Variants in UIMC1 observed in about 807,000 individuals in gnomAD.
The protein encoded by UIMC1 is BRCA1-A complex subunit RAP80.
Under a neutral mutation model 84.9 loss-of-function variants are expected in UIMC1, and 42 were observed. That is an observed-to-expected ratio of 0.49 (90% CI 0.39 to 0.64). The LOEUF (loss-of-function observed/expected upper bound fraction) is 0.64, where lower values mean the gene tolerates loss of function less well. Ranked by LOEUF, UIMC1 falls within the 30% of genes least tolerant of loss-of-function variation. The pLI, the probability that UIMC1 is intolerant of heterozygous loss-of-function variation, is 0.00. For missense variants in UIMC1, 825 were observed against 847.6 expected (o/e 0.97, Z 0.33); for synonymous variants, 281 against 293.0 (o/e 0.96, Z 0.42).
intron 1 of UIMC1, among the ~76,000 whole-genome samples, chr5:177,002,783 G>A (rs952099082): frequency 7.9e-5 from 12 of 151,998 alleles, no homozygotes; most frequent in African/African-American, 2.4e-4. Context: ...AGGACAGAAC[G>A]AGACTCTGTC....
chr5:176,953,044 A>G (rs79354565), intron 8 of UIMC1, among the ~76,000 whole-genome samples: 1,636 of 152,146 alleles, frequency 0.011, 25 homozygotes, highest in African/African-American at 0.038. Context: ...CCTCAAAAGA[A>G]TGGGATTAGT....
chr5:176,928,064 G>A (rs1023477340), intron 10 of UIMC1, among the ~76,000 whole-genome samples: 1 of 152,022 alleles, frequency 6.6e-6, no homozygotes, highest in Non-Finnish European at 1.5e-5. Context: ...GGCTGGTCTC[G>A]AACTCTTGAC....
intron 10 of UIMC1, among the ~76,000 whole-genome samples, chr5:176,923,759 G>A (rs1370264893): frequency 6.7e-6 from 1 of 149,730 alleles, no homozygotes; most frequent in African/African-American, 2.5e-5. Flanking sequence ...AGCTACTCAG[G>A]AGGCTGAGGC....
intron 7 of UIMC1, among the ~76,000 whole-genome samples, chr5:176,956,785 A>G (rs958918617): frequency 1.3e-5 from 2 of 151,726 alleles, no homozygotes; most frequent in African/African-American, 4.8e-5. Context: ...CCTCACATCA[A>G]CCAAGAACCA....
chr5:177,004,442 AT>A (rs933551383), intron 1 of UIMC1, among the ~76,000 whole-genome samples: 2 of 151,468 alleles, frequency 1.3e-5, no homozygotes, highest in Admixed American at 6.6e-5. Context: ...TTCAACTACT[AT>A]TTTTTTTTAA....
In UIMC1 at chr5:176,969,266, T is replaced by C; in HGVS notation, c.489A>G (p.Ser163=). Residue 163 remains serine (S), a synonymous_variant, in exon 6 of 15, where the codon TCA becomes TCG. Coordinates refer to ENST00000511320, the MANE Select transcript of UIMC1 (RefSeq NM_001199298.2). ...TEGIWQLVPP[S]LFKGSHISQG... ...GACTGATATGTGAGCCTTTAAACAGTGATGGAGGTACCAGCTGCCATATGC... is the reference window on the plus strand; with the variant it reads ...GACTGATATGTGAGCCTTTAAACAGCGATGGAGGTACCAGCTGCCATATGC... 6.2e-7 allele frequency: 1 copy of C among 1,613,388 alleles called. No individual in the cohort carries two copies. Among genetic ancestry groups the C allele is most frequent in the Non-Finnish European group, 8.5e-7 (1 of 1,179,704 alleles).
In UIMC1 at chr5:176,984,710, G is replaced by A. The variant is rs552458498; in HGVS notation, c.-8-2087C>T. Among the ~76,000 whole-genome samples, 279 of 152,106 alleles carry A rather than the reference G, an allele frequency of 1.8e-3. 1 individual carries two copies. Among genetic ancestry groups the A allele is most frequent in the Admixed American group, 3.9e-3 (60 of 15,262 alleles). On this transcript the variant is annotated intron_variant, in intron 1 of 14. Transcript: ENST00000511320. ...GGTTGTTACTGTGCCTGTGTAGAAA[G>A]AAGTAGACATAGGAGACTCCATTTT...
At chr5:176,950,100 C>CTTTTTT (rs779279628) in intron 9 of UIMC1, among the ~76,000 whole-genome samples, 1 of 108,656 alleles carries the variant, frequency 9.2e-6, no homozygotes, top group Non-Finnish European at 1.8e-5. Flanking sequence ...AGGAACCTTT[C>CTTTTTT]TTTTTTTTTT....
At chr5:177,005,297 A>G (rs1581726887) in intron 1 of UIMC1, among the ~76,000 whole-genome samples, 1 of 151,658 alleles carries the variant, frequency 6.6e-6, no homozygotes, top group East Asian at 1.9e-4. Flanking sequence ...GGGTCTTGAT[A>G]CTCCTGGACT....
intron 10 of UIMC1, among the ~76,000 whole-genome samples, chr5:176,925,030 CAAAAA>C (rs749987567): frequency 5.7e-5 from 3 of 52,956 alleles, no homozygotes. Flanking sequence ...GACTCTGCCT[CAAAAA>C]AAAAAAAAAA....
intron 10 of UIMC1, among the ~76,000 whole-genome samples, chr5:176,919,694 T>C (rs1201634411): frequency 2.0e-5 from 3 of 152,244 alleles, no homozygotes; most frequent in Non-Finnish European, 4.4e-5. Context: ...TCCAACTTCA[T>C]GGTTTTGCAA....
At chr5:176,914,007 G>C (rs186816093) in intron 10 of UIMC1, among the ~76,000 whole-genome samples, 8 of 135,648 alleles carry the variant, frequency 5.9e-5, no homozygotes, top group African/African-American at 2.5e-4. Flanking sequence ...CCATACCATA[G>C]CATACCATAC....
At chr5:176,913,180 AG>A (rs1488880870) in intron 10 of UIMC1, among the ~76,000 whole-genome samples, 1 of 152,212 alleles carries the variant, frequency 6.6e-6, no homozygotes, top group Non-Finnish European at 1.5e-5. Context: ...CCATCATCAA[AG>A]GAAGAACTAT....
intron 3 of UIMC1, among the ~76,000 whole-genome samples, chr5:176,972,123 A>G (rs991373424): frequency 2.6e-5 from 4 of 152,128 alleles, no homozygotes; most frequent in African/African-American, 9.7e-5. Context: ...ATTACAGGCC[A>G]GGCGCGGTGG....
intron 5 of UIMC1, 99 bp from the exon 6 acceptor site, chr5:176,969,390 A>C: frequency 6.8e-7 from 1 of 1,479,662 alleles, no homozygotes; most frequent in Non-Finnish European, 9.1e-7. Flanking sequence ...TATGGGTAAG[A>C]AAGGCTCTTC....
At chr5:176,920,521 G>C (rs1465380801) in intron 10 of UIMC1, among the ~76,000 whole-genome samples, 2 of 152,080 alleles carry the variant, frequency 1.3e-5, no homozygotes, top group Non-Finnish European at 2.9e-5. Flanking sequence ...ATATTCCTAA[G>C]TATTTTATTA....
At chr5:176,927,851 CT>C (rs754815729) in intron 10 of UIMC1, among the ~76,000 whole-genome samples, 606 of 136,504 alleles carry the variant, frequency 4.4e-3, no homozygotes, top group East Asian at 8.4e-3. Flanking sequence ...GGCCAGCCAG[CT>C]TTTTTTTTTT....
intron 8 of UIMC1, 127 bp from the exon 9 acceptor site, chr5:176,951,704 G>A: frequency 1.7e-6 from 1 of 596,492 alleles, no homozygotes; most frequent in South Asian, 3.2e-5. Flanking sequence ...TATATTAATA[G>A]ATCTAGTTTG....
chr5:176,985,393 T>A (rs947371553), intron 1 of UIMC1, among the ~76,000 whole-genome samples: 1 of 151,150 alleles, frequency 6.6e-6, no homozygotes, highest in African/African-American at 2.4e-5. Flanking sequence ...GAGGCGGAGG[T>A]TGCAGTGAGC....
Sources: gnomAD v4.1 joint callset for allele counts (sites outside exome capture counted in the v4.1 genomes callset) on GRCh38, gnomAD v4.1.1 for gene constraint, MANE v1.5 for transcripts, NCBI Gene and HGNC (gene_info 2026-07-23, HGNC 2026-07-21) for gene names.